Variants in ZNF536 observed in about 807,000 individuals in gnomAD.
The protein encoded by ZNF536 is zinc finger protein 536.
In ZNF536, 13 loss-of-function variants were observed where a neutral mutation model predicts 84.5. The ratio of observed to expected loss-of-function variants is 0.15; its 90% CI spans 0.10 to 0.24. The LOEUF is 0.24. Ranked by LOEUF, ZNF536 falls within the 10% of genes least tolerant of loss-of-function variation. The pLI is 1.00. For synonymous variants in ZNF536, 811 were observed against 742.5 expected, an observed-to-expected ratio of 1.09 and a Z score of -1.50; for missense variants, 1,536 against 1,747.5, an observed-to-expected ratio of 0.88 and a Z score of 2.16.
At chr19:30,355,411 C>T (rs2048061022) in intron 3 of ZNF536, among the ~76,000 whole-genome samples, 2 of 152,024 alleles carry the variant, frequency 1.3e-5, no homozygotes, top group Admixed American at 6.5e-5. Flanking sequence ...CATTTGGAGA[C>T]AGGGTCTCAC....
At chr19:30,664,996 A>T (rs2050264077) in intron 1 of ZNF536, among the ~76,000 whole-genome samples, 1 of 152,260 alleles carries the variant, frequency 6.6e-6, no homozygotes, top group Non-Finnish European at 1.5e-5. Context: ...AACAGGAAAC[A>T]CTTCAGGCCT....
chr19:30,623,032 G>GTTTTTTTT lies in ZNF536; in HGVS notation c.169+73525_169+73526insTTTTTTTT, dbSNP rs1169214591. On this transcript the variant is annotated intron_variant, in intron 1 of 1. Transcript: ENST00000592773. Reference sequence around the variant, plus strand: ...CTAAAAATCTTGTGTTTTTTTTTTTGTTTTTTTGTTTTTTTGTTTTTTTGA... The same window carrying GTTTTTTTT: ...CTAAAAATCTTGTGTTTTTTTTTTTGTTTTTTTTTTTTTTTGTTTTTTTGTTTTTTTGA... Among the ~76,000 whole-genome samples the GTTTTTTTT allele has an allele frequency of 4.3e-5, 4 of 92,920 alleles. 1 individual carries two copies. Among genetic ancestry groups the GTTTTTTTT allele is most frequent in the African/African-American group, 1.8e-4 (4 of 22,292 alleles). The allele number at this position is 92,920 out of a possible 152,430, so 61.0% of individuals were successfully genotyped here. A position where few individuals can be genotyped will look rare whatever the true frequency, so the allele number is the denominator to read the frequency against.
intron 2 of ZNF536, among the ~76,000 whole-genome samples, chr19:30,481,396 C>G (rs1210603277): frequency 6.6e-6 from 1 of 152,188 alleles, no homozygotes. Context: ...TCTGGTTGCA[C>G]AGTCGGCATT....
intron 1 of ZNF536, among the ~76,000 whole-genome samples, chr19:30,439,959 CTTTTTTTTT>C (rs199638233): frequency 4.1e-5 from 4 of 96,396 alleles, no homozygotes; most frequent in Non-Finnish European, 6.0e-5. Context: ...TTCTTTCTTT[CTTTTTTTTT>C]TTTTTTTTTT....
intron 1 of ZNF536, among the ~76,000 whole-genome samples, chr19:30,388,191 T>C (rs1485960427): frequency 1.3e-5 from 2 of 152,190 alleles, no homozygotes; most frequent in Non-Finnish European, 2.9e-5. Context: ...GGTGGCCTAC[T>C]TCAGTCAACC....
At chr19:30,524,182 T>G (rs1351498684) in intron 2 of ZNF536, among the ~76,000 whole-genome samples, 1 of 152,252 alleles carries the variant, frequency 6.6e-6, no homozygotes, top group Admixed American at 6.5e-5. Context: ...AGCCCCAAAC[T>G]GTACATGCGT....
intron 2 of ZNF536, among the ~76,000 whole-genome samples, chr19:30,476,641 T>G (rs1248824953): frequency 2.0e-5 from 3 of 152,228 alleles, no homozygotes; most frequent in Non-Finnish European, 4.4e-5. Context: ...ATGGACTCCC[T>G]CTGTGGCTCA....
At chr19:30,330,503 G>A (rs915998262) in intron 2 of ZNF536, among the ~76,000 whole-genome samples, 6 of 152,158 alleles carry the variant, frequency 3.9e-5, no homozygotes, top group African/African-American at 1.2e-4. Flanking sequence ...GGGAGGCCTC[G>A]TTACAAGCCT....
At chr19:30,588,867 G>T (rs1004740907) in intron 1 of ZNF536, among the ~76,000 whole-genome samples, 1 of 152,282 alleles carries the variant, frequency 6.6e-6, no homozygotes, top group East Asian at 1.9e-4. Context: ...AAAAGAATTA[G>T]TTATTTTTTT....
Position 30,331,292 on chromosome 19 carries a change from TAAAAAAAAAAAA to T in ZNF536, c.-119-21058_-119-21047del, listed in dbSNP as rs11324495. Among the ~76,000 whole-genome samples the T allele has an allele frequency of 6.7e-4, 28 of 41,742 alleles. No homozygotes were observed. In the South Asian group the frequency reaches 0.011, roughly 17 times the overall value. The allele number at this position is 41,742 out of a possible 152,430, so 27.4% of individuals were successfully genotyped here. A position where few individuals can be genotyped will look rare whatever the true frequency, so the allele number is the denominator to read the frequency against. ...GGGAACAGAGTAAGACCCTGTATCT[TAAAAAAAAAAAA>T]AAAAAAAAAAAAAAAAAGAATATTA... is the stretch of plus-strand genomic sequence containing the variant. On this transcript the variant is annotated intron_variant, in intron 2 of 5. Transcript: ENST00000585628.
chr19:30,480,599 GC>G (rs1395427803), intron 2 of ZNF536, among the ~76,000 whole-genome samples: 1 of 152,098 alleles, frequency 6.6e-6, no homozygotes, highest in Non-Finnish European at 1.5e-5. Context: ...CCTAATGCAT[GC>G]AGGGCTTAAA....
chr19:30,689,571 G>T (rs2051327834), intron 1 of ZNF536, among the ~76,000 whole-genome samples: 1 of 152,198 alleles, frequency 6.6e-6, no homozygotes, highest in African/African-American at 2.4e-5. Context: ...TGATTGTCAG[G>T]AAATGTTATC....
chr19:30,341,210 T>C (rs1322313210), intron 2 of ZNF536, among the ~76,000 whole-genome samples: 2 of 152,258 alleles, frequency 1.3e-5, no homozygotes, highest in Non-Finnish European at 2.9e-5. Context: ...CTAAGATGTT[T>C]ACAGTATGGA....
intron 3 of ZNF536, among the ~76,000 whole-genome samples, chr19:30,356,667 C>T (rs578217377): frequency 5.3e-5 from 8 of 152,282 alleles, no homozygotes; most frequent in African/African-American, 1.7e-4. Context: ...TAAGGTCCCA[C>T]GGTGGACACT....
chr19:30,502,117 C>A (rs192132122), intron 2 of ZNF536, among the ~76,000 whole-genome samples: 1 of 152,202 alleles, frequency 6.6e-6, no homozygotes, highest in East Asian at 1.9e-4. Flanking sequence ...TTTGCCTGAA[C>A]GACCCATCTG....
intron 3 of ZNF536, 80 bp from the exon 4 acceptor site, chr19:30,547,863 A>T (rs2045614128): frequency 2.7e-6 from 4 of 1,466,738 alleles, no homozygotes; most frequent in Non-Finnish European, 3.6e-6. Flanking sequence ...TCAAAGAACA[A>T]ATGTTGATCC....
chr19:30,701,217 A>G (rs1483535468), intron 1 of ZNF536, among the ~76,000 whole-genome samples: 1 of 149,222 alleles, frequency 6.7e-6, no homozygotes, highest in Admixed American at 6.7e-5. Context: ...ACACACACAC[A>G]CGCAAACACA....
At chr19:30,602,295 C>T (rs1488830320) in intron 1 of ZNF536, among the ~76,000 whole-genome samples, 1 of 152,150 alleles carries the variant, frequency 6.6e-6, no homozygotes, top group African/African-American at 2.4e-5. Context: ...CTTCTTTCAA[C>T]AAGGCTTTAT....
rs369519701 is a variant in ZNF536, at chr19:30,486,527, G to A, written c.2170+40795G>A. Among the ~76,000 whole-genome samples, 9 of 152,270 alleles carry A rather than the reference G, an allele frequency of 5.9e-5. No individual in the cohort carries two copies. In the South Asian group the frequency reaches 1.9e-3, roughly 32 times the overall value. ...TGATGGGCATTTAGGTTGATTCCAT[G>A]TCTTTGCTATTGTGAATAGTGCTGC... On this transcript the variant is annotated intron_variant, in intron 2 of 4. Coordinates refer to ENST00000355537, the MANE Select transcript of ZNF536 (RefSeq NM_014717.3).
Sources: allele counts gnomAD v4.1 joint callset (sites outside exome capture counted in the v4.1 genomes callset), GRCh38; gene constraint gnomAD v4.1.1; transcripts MANE v1.5; gene names NCBI Gene and HGNC (gene_info 2026-07-23, HGNC 2026-07-21).